The following NCKAP5 variants were observed in gnomAD, a reference collection of about 807,000 sequenced individuals.
The protein encoded by NCKAP5 is NCK associated protein 5.
A neutral mutation model predicts 167.0 loss-of-function variants in NCKAP5; 92 were observed. That is an observed-to-expected ratio of 0.55 (90% CI 0.47 to 0.66). The LOEUF is 0.66. Ranked by LOEUF, NCKAP5 falls within the 30% of genes least tolerant of loss-of-function variation. The pLI, the probability that NCKAP5 is intolerant of heterozygous loss-of-function variation, is 0.00. For synonymous variants in NCKAP5, 891 were observed against 877.4 expected (o/e 1.02, Z -0.27); for missense variants, 2,378 against 2,315.0 (o/e 1.03, Z -0.56).
chr2:133,624,109 A>T, the NCKAP5 span, among the ~76,000 whole-genome samples: 1 of 151,958 alleles, frequency 6.6e-6, no homozygotes, highest in East Asian at 1.9e-4. Context: ...AGAATGATAC[A>T]TCGGATTTTG....
intron 6 of NCKAP5, among the ~76,000 whole-genome samples, chr2:133,042,837 A>G (rs1007986154): frequency 6.6e-6 from 1 of 152,202 alleles, no homozygotes; most frequent in Non-Finnish European, 1.5e-5. Context: ...TTTTCTCTCT[A>G]TTTCATCTTG....
chr2:132,690,984 A>T (rs1045725249), intron 19 of NCKAP5, among the ~76,000 whole-genome samples: 42 of 152,228 alleles, frequency 2.8e-4, no homozygotes, highest in African/African-American at 9.6e-4. Context: ...CTGCTCTGCT[A>T]ATTTCTAGAT....
At chr2:133,375,095 G>A (rs1165044889) in intron 3 of NCKAP5, among the ~76,000 whole-genome samples, 3 of 152,122 alleles carry the variant, frequency 2.0e-5, no homozygotes, top group South Asian at 2.1e-4. Flanking sequence ...ATCTGGTAAC[G>A]GAACACCTCC....
At chr2:133,190,277 A>T (rs944399984) in intron 5 of NCKAP5, among the ~76,000 whole-genome samples, 4 of 152,342 alleles carry the variant, frequency 2.6e-5, no homozygotes, top group Non-Finnish European at 5.9e-5. Context: ...ATAAAAGAGG[A>T]TACAAACAAA....
chr2:132,783,630 T>C lies in NCKAP5; in HGVS notation c.3181A>G (p.Ile1061Val). The C allele has an allele frequency of 6.2e-7, 1 of 1,613,970 alleles. No homozygotes were observed. Among genetic ancestry groups the C allele is most frequent in the Non-Finnish European group, 8.5e-7 (1 of 1,179,894 alleles). ...GAGATCCTGGGAGTCTGTAATCCTA[T>C]GTCCCTTTGTGGGGTCCCAAGTGTT... ...RQTLGTPQRD[I>V]GLQTPRISPS... Residue 1061 changes from isoleucine to valine, a missense_variant, in exon 14 of 20, where the codon ATA becomes GTA. Physicochemically the swap from Ile to Val is conservative, Grantham distance 29. This residue lies in a region of NCKAP5 where 1,325 missense variants were observed against 1,274.5 expected (regional missense o/e 1.04). Transcript: ENST00000409261.
chr2:133,222,215 T>C (rs921581283), intron 4 of NCKAP5, among the ~76,000 whole-genome samples: 1 of 152,144 alleles, frequency 6.6e-6, no homozygotes, highest in Non-Finnish European at 1.5e-5. Flanking sequence ...GTTATGTCTA[T>C]TGATACTTAC....
intron 6 of NCKAP5, among the ~76,000 whole-genome samples, chr2:133,124,129 T>C (rs895710372): frequency 6.6e-6 from 1 of 152,172 alleles, no homozygotes; most frequent in African/African-American, 2.4e-5. Flanking sequence ...AGAAATAGCT[T>C]CAAGGCTGTG....
chr2:132,811,638 G>A lies in NCKAP5; in HGVS notation c.808-14909C>T, dbSNP rs141349527. Among the ~76,000 whole-genome samples, 308 of 151,998 alleles carry A rather than the reference G, an allele frequency of 2.0e-3. 2 individuals carry two copies. The highest frequency in any genetic ancestry group is 7.0e-3 in the African/African-American group (289 of 41,452). Reference sequence around the variant, plus strand: ...TGCCCCCTGCCCCCTCAACAGCCCTGAGTCTGTTTCCAGGCGGAAGGTGAG... The same window carrying A: ...TGCCCCCTGCCCCCTCAACAGCCCTAAGTCTGTTTCCAGGCGGAAGGTGAG... On this transcript the variant is annotated intron_variant, in intron 11 of 19. Coordinates refer to ENST00000409261, the MANE Select transcript of NCKAP5 (RefSeq NM_207363.3).
At chr2:133,625,634 G>A in the NCKAP5 span, among the ~76,000 whole-genome samples, 1 of 152,126 alleles carries the variant, frequency 6.6e-6, no homozygotes, top group East Asian at 1.9e-4. Flanking sequence ...ACTTTGGGAG[G>A]CCGAGACGGG....
chr2:133,667,063 T>C, the NCKAP5 span, among the ~76,000 whole-genome samples: 4 of 152,028 alleles, frequency 2.6e-5, no homozygotes, highest in Non-Finnish European at 2.9e-5. Flanking sequence ...CTTGAAAATA[T>C]GTGATTGCTG....
intron 19 of NCKAP5, among the ~76,000 whole-genome samples, chr2:132,710,759 C>T (rs1229551170): frequency 6.6e-6 from 1 of 152,204 alleles, no homozygotes; most frequent in Admixed American, 6.5e-5. Flanking sequence ...TAATTTCATT[C>T]ATCTTATGAT....
At chr2:133,524,669 A>G (rs769651337) in intron 2 of NCKAP5, among the ~76,000 whole-genome samples, 19 of 152,138 alleles carry the variant, frequency 1.2e-4, no homozygotes, top group Admixed American at 2.0e-4. Flanking sequence ...AAGTGCTACC[A>G]AATAGAATGT....
At chr2:132,955,977 T>C (rs2076330851) in intron 8 of NCKAP5, among the ~76,000 whole-genome samples, 1 of 152,168 alleles carries the variant, frequency 6.6e-6, no homozygotes, top group Non-Finnish European at 1.5e-5. Context: ...GAGAGTAGAA[T>C]GTTGGTTACA....
intron 6 of NCKAP5, among the ~76,000 whole-genome samples, chr2:132,994,687 A>C (rs2077541741): frequency 1.3e-5 from 2 of 152,348 alleles, no homozygotes; most frequent in South Asian, 4.1e-4. Context: ...CAGCACGTAA[A>C]GATTTACTTC....
At chr2:132,923,666 G>A (rs954428768) in intron 8 of NCKAP5, among the ~76,000 whole-genome samples, 11 of 152,050 alleles carry the variant, frequency 7.2e-5, no homozygotes, top group Middle Eastern at 3.2e-3. Flanking sequence ...CGAATTGGAC[G>A]CTAAGGATTA....
chr2:133,132,729 T>G (rs1029721233), intron 5 of NCKAP5, among the ~76,000 whole-genome samples: 1 of 150,112 alleles, frequency 6.7e-6, no homozygotes, highest in Admixed American at 6.7e-5. Flanking sequence ...CAGACTGGAG[T>G]GCAGTGGCGC....
chr2:133,332,517 A>G (rs969296723), intron 3 of NCKAP5, among the ~76,000 whole-genome samples: 1 of 152,174 alleles, frequency 6.6e-6, no homozygotes, highest in Non-Finnish European at 1.5e-5. Context: ...TACACAGAAA[A>G]TGAGTTTTTA....
chr2:133,326,798 T>A (rs1164729744), intron 3 of NCKAP5, among the ~76,000 whole-genome samples: 1 of 152,170 alleles, frequency 6.6e-6, no homozygotes, highest in Non-Finnish European at 1.5e-5. Context: ...TTCAACAGCA[T>A]CCTGGCTGCT....
At chr2:132,852,771 AGG>A (rs1306390342) in intron 11 of NCKAP5, among the ~76,000 whole-genome samples, 1 of 152,188 alleles carries the variant, frequency 6.6e-6, no homozygotes, top group Non-Finnish European at 1.5e-5. Flanking sequence ...TTCAAAGTCA[AGG>A]TTAGCTGTGA....
Sources: allele counts gnomAD v4.1 joint callset (sites outside exome capture counted in the v4.1 genomes callset), GRCh38; gene constraint gnomAD v4.1.1; regional missense constraint gnomAD v4.1.1; transcripts MANE v1.5; gene names NCBI Gene and HGNC (gene_info 2026-07-23, HGNC 2026-07-21).